The following PHACTR1 variants were observed in gnomAD, a reference collection of about 807,000 sequenced individuals.
PHACTR1 encodes phosphatase and actin regulator 1, also known as RPEL repeat containing 1.
Under a neutral mutation model 69.2 loss-of-function variants are expected in PHACTR1, and 16 were observed. The ratio of observed to expected loss-of-function variants is 0.23; its 90% CI spans 0.16 to 0.35. PHACTR1 has a LOEUF of 0.35. Among genes scored for constraint, PHACTR1 ranks in the 10% least tolerant of loss-of-function variants. The pLI, the probability that PHACTR1 is intolerant of heterozygous loss-of-function variation, is 1.00. For synonymous variants in PHACTR1, 312 were observed against 284.5 expected (o/e 1.10, Z -0.97); for missense variants, 510 against 734.7 (o/e 0.69, Z 3.54).
intron 4 of PHACTR1, among the ~76,000 whole-genome samples, chr6:13,027,957 G>A (rs1026354840): frequency 6.6e-5 from 10 of 152,224 alleles, no homozygotes; most frequent in African/African-American, 2.2e-4. Context: ...GATTACAGGT[G>A]TGAGCCAACG....
chr6:13,134,259 G>A (rs1238536727), intron 5 of PHACTR1, among the ~76,000 whole-genome samples: 2 of 151,864 alleles, frequency 1.3e-5, no homozygotes, highest in Non-Finnish European at 2.9e-5. Flanking sequence ...GGTGGGGGGC[G>A]CCTCTGCCCG....
chr6:12,732,818 A>C (rs748537047), intron 3 of PHACTR1, among the ~76,000 whole-genome samples: 3 of 152,238 alleles, frequency 2.0e-5, no homozygotes, highest in Non-Finnish European at 4.4e-5. Flanking sequence ...GAATTATGAA[A>C]TAATCAGACA....
At chr6:13,014,629 T>G (rs1799899602) in intron 4 of PHACTR1, among the ~76,000 whole-genome samples, 1 of 151,972 alleles carries the variant, frequency 6.6e-6, no homozygotes, top group African/African-American at 2.4e-5. Context: ...CTTGTGGAGT[T>G]GTTGAATGAC....
chr6:13,086,802 A>G (rs1812392970), intron 5 of PHACTR1, among the ~76,000 whole-genome samples: 1 of 152,066 alleles, frequency 6.6e-6, no homozygotes, highest in East Asian at 1.9e-4. Context: ...TAAGAGTAAG[A>G]TTTCTGGGTT....
intron 2 of PHACTR1, 61 bp from the exon 3 acceptor site, chr6:12,718,638 C>G (rs1761701119): frequency 2.2e-6 from 1 of 450,150 alleles, no homozygotes; most frequent in African/African-American, 2.0e-5. Flanking sequence ...TAAAGTACAT[C>G]TATATATACA....
At chr6:13,203,646 A>G (rs1186391340) in intron 7 of PHACTR1, among the ~76,000 whole-genome samples, 2 of 152,154 alleles carry the variant, frequency 1.3e-5, no homozygotes, top group African/African-American at 4.8e-5. Flanking sequence ...TGTGAGGTGG[A>G]TCTTGAAGGG....
At chr6:12,942,040 C>T (rs1356210700) in intron 4 of PHACTR1, among the ~76,000 whole-genome samples, 1 of 152,140 alleles carries the variant, frequency 6.6e-6, no homozygotes, top group African/African-American at 2.4e-5. Flanking sequence ...AGCAACTGAC[C>T]TCATCCAGAG....
intron 4 of PHACTR1, among the ~76,000 whole-genome samples, chr6:12,975,782 A>C (rs1267903974): frequency 6.6e-6 from 1 of 152,156 alleles, no homozygotes; most frequent in Non-Finnish European, 1.5e-5. Flanking sequence ...GAATCTCACT[A>C]AACGCTGTTG....
At chr6:12,831,666 A>G (rs1777601173) in intron 4 of PHACTR1, among the ~76,000 whole-genome samples, 1 of 152,168 alleles carries the variant, frequency 6.6e-6, no homozygotes, top group Non-Finnish European at 1.5e-5. Flanking sequence ...CTTGACTGAC[A>G]CAACAAGAAT....
intron 4 of PHACTR1, among the ~76,000 whole-genome samples, chr6:13,047,398 A>G (rs1030320457): frequency 4.0e-5 from 6 of 150,882 alleles, no homozygotes; most frequent in African/African-American, 1.5e-4. Context: ...AAAAAAAAAA[A>G]AAAAGGCAGT....
intron 4 of PHACTR1, among the ~76,000 whole-genome samples, chr6:12,863,214 G>C (rs559257097): frequency 6.6e-6 from 1 of 152,360 alleles, no homozygotes; most frequent in South Asian, 2.1e-4. Flanking sequence ...GTAACTCAAA[G>C]AATAGATATT....
chr6:12,775,288 C>T (rs1270671585), intron 4 of PHACTR1, among the ~76,000 whole-genome samples: 1 of 152,188 alleles, frequency 6.6e-6, no homozygotes, highest in African/African-American at 2.4e-5. Context: ...AATGAAATAA[C>T]ACTTCTTATT....
At chr6:13,265,448 C>T (rs1776541504) in intron 10 of PHACTR1, among the ~76,000 whole-genome samples, 1 of 152,182 alleles carries the variant, frequency 6.6e-6, no homozygotes, top group Admixed American at 6.5e-5. Flanking sequence ...AGGCAGGCTG[C>T]AGGAGAGAAT....
At chr6:13,258,674 T>A (rs1477907682) in intron 10 of PHACTR1, among the ~76,000 whole-genome samples, 1 of 152,194 alleles carries the variant, frequency 6.6e-6, no homozygotes. Flanking sequence ...TTTGATCAGA[T>A]CATGTTAAGC....
chr6:13,170,710 G>A (rs539827585), intron 6 of PHACTR1, among the ~76,000 whole-genome samples: 1 of 152,354 alleles, frequency 6.6e-6, no homozygotes, highest in East Asian at 1.9e-4. Flanking sequence ...AGGGTTTCCA[G>A]TTCTGGCTCC....
At position 12,767,466 on chromosome 6, in the gene PHACTR1, T is replaced by C. The variant is rs78524704; in HGVS notation, c.250+17676T>C. On this transcript the variant is annotated intron_variant, in intron 4 of 14. Transcript: ENST00000332995. ...AAAAAGGTTTCCTTCATTCATTTGC[T>C]TTCCAAATAGTTGCTAACTTAGAGT... Among the ~76,000 whole-genome samples, 1,039 of 152,370 alleles carry C rather than the reference T, an allele frequency of 6.8e-3. 14 individuals carry two copies. The highest frequency in any genetic ancestry group is 0.024 in the African/African-American group (985 of 41,596).
At chr6:13,222,150 A>G (rs1457326946) in intron 8 of PHACTR1, among the ~76,000 whole-genome samples, 1 of 152,160 alleles carries the variant, frequency 6.6e-6, no homozygotes, top group Non-Finnish European at 1.5e-5. Context: ...GGTGAACACA[A>G]CCCATGTGCA....
chr6:13,149,288 T>A (rs1823939176), intron 5 of PHACTR1, among the ~76,000 whole-genome samples: 1 of 152,188 alleles, frequency 6.6e-6, no homozygotes, highest in African/African-American at 2.4e-5. Context: ...GAAACTGAGT[T>A]ACACTGCTTC....
intron 8 of PHACTR1, among the ~76,000 whole-genome samples, chr6:13,210,269 C>T (rs1766613845): frequency 6.6e-6 from 1 of 152,136 alleles, no homozygotes; most frequent in Admixed American, 6.5e-5. Context: ...CCTGCCTCAG[C>T]CTCCCAAATT....
Sources: gnomAD v4.1 joint callset for allele counts (sites outside exome capture counted in the v4.1 genomes callset) on GRCh38, gnomAD v4.1.1 for gene constraint, MANE v1.5 for transcripts, NCBI Gene and HGNC (gene_info 2026-07-23, HGNC 2026-07-21) for gene names.